Variants in SETBP1 observed in about 807,000 individuals in gnomAD.
SETBP1 encodes the protein SET binding protein 1.
A neutral mutation model predicts 101.0 loss-of-function variants in SETBP1; 9 were observed. The ratio of observed to expected loss-of-function variants is 0.09; its 90% CI spans 0.05 to 0.16. The LOEUF (loss-of-function observed/expected upper bound fraction) is 0.16. Ranked by LOEUF, SETBP1 falls within the 10% of genes least tolerant of loss-of-function variation. The pLI is 1.00. For synonymous variants in SETBP1, 818 were observed against 788.5 expected, an observed-to-expected ratio of 1.04 and a Z score of -0.63; for missense variants, 1,858 against 2,033.8, an observed-to-expected ratio of 0.91 and a Z score of 1.66.
chr18:44,820,746 G>A (rs1243527091), intron 2 of SETBP1, among the ~76,000 whole-genome samples: 2 of 152,140 alleles, frequency 1.3e-5, no homozygotes, highest in Non-Finnish European at 2.9e-5. Flanking sequence ...CACTTACGGT[G>A]GAAATATTCC....
At chr18:44,751,854 G>C (rs1042344141) in intron 2 of SETBP1, among the ~76,000 whole-genome samples, 2 of 152,124 alleles carry the variant, frequency 1.3e-5, no homozygotes, top group African/African-American at 4.8e-5. Context: ...CCAAGATCAG[G>C]GTGCTGGCCA....
chr18:44,779,986 TCACA>T (rs2071092008), intron 2 of SETBP1, among the ~76,000 whole-genome samples: 1 of 151,058 alleles, frequency 6.6e-6, no homozygotes, highest in Non-Finnish European at 1.5e-5. Flanking sequence ...ATGTGCACAC[TCACA>T]CACACTCTGC....
intron 3 of SETBP1, chr18:44,876,966 C>T (rs763049837): frequency 2.1e-5 from 26 of 1,250,002 alleles, no homozygotes; most frequent in Middle Eastern, 3.1e-4. Flanking sequence ...ATGCATTAGG[C>T]GGCCCTGATG....
At chr18:44,785,502 T>C (rs956499813) in intron 2 of SETBP1, among the ~76,000 whole-genome samples, 28 of 152,374 alleles carry the variant, frequency 1.8e-4, no homozygotes, top group African/African-American at 6.5e-4. Context: ...TTTGCTTTCA[T>C]TTGCTCTATG....
At chr18:44,806,588 T>C (rs16978179) in intron 2 of SETBP1, among the ~76,000 whole-genome samples, 11,141 of 150,960 alleles carry the variant, frequency 0.074, 446 homozygotes, top group East Asian at 0.13. Flanking sequence ...CTGAACTTTG[T>C]TTTTCCGTAG....
chr18:44,772,698 A>G (rs2070900950), intron 2 of SETBP1, among the ~76,000 whole-genome samples: 1 of 152,190 alleles, frequency 6.6e-6, no homozygotes, highest in African/African-American at 2.4e-5. Context: ...TCCACTAGAT[A>G]CTACCAGATA....
chr18:44,905,781 A>T (rs769531042), intron 3 of SETBP1, among the ~76,000 whole-genome samples: 10 of 152,242 alleles, frequency 6.6e-5, no homozygotes, highest in Non-Finnish European at 1.3e-4. Flanking sequence ...ATCGAAGCTA[A>T]CATCAACAGG....
At chr18:44,870,458 G>A (rs922328781) in intron 3 of SETBP1, 1 of 152,218 alleles carries the variant, frequency 6.6e-6, no homozygotes, top group Non-Finnish European at 1.5e-5. Flanking sequence ...GCACACCAGT[G>A]TGGGGTGTTG....
intron 3 of SETBP1, among the ~76,000 whole-genome samples, chr18:44,896,688 C>G (rs1245633698): frequency 6.6e-6 from 1 of 152,056 alleles, no homozygotes; most frequent in African/African-American, 2.4e-5. Flanking sequence ...TGGGGTTTCA[C>G]CACGTTGGTC....
At chr18:44,703,967 G>T (rs1344543067) in intron 2 of SETBP1, among the ~76,000 whole-genome samples, 2 of 152,174 alleles carry the variant, frequency 1.3e-5, no homozygotes, top group Non-Finnish European at 2.9e-5. Context: ...GTGTGGGTGG[G>T]TTGTCTTGAG....
At chr18:45,047,193 G>C (rs1407436242) in intron 5 of SETBP1, among the ~76,000 whole-genome samples, 1 of 152,132 alleles carries the variant, frequency 6.6e-6, no homozygotes, top group African/African-American at 2.4e-5. Context: ...TTGGCTGTGA[G>C]GCATCAGACG....
intron 3 of SETBP1, among the ~76,000 whole-genome samples, chr18:44,932,154 G>A (rs954292067): frequency 2.0e-5 from 3 of 152,188 alleles, no homozygotes; most frequent in Non-Finnish European, 2.9e-5. Flanking sequence ...AAATCTCTCA[G>A]CATTTGTTTA....
chr18:44,969,672 C>A (rs2071799021), intron 4 of SETBP1, among the ~76,000 whole-genome samples: 1 of 152,202 alleles, frequency 6.6e-6, no homozygotes, highest in Non-Finnish European at 1.5e-5. Context: ...CCCTCCTACA[C>A]CAAGTACCAA....
At chr18:44,838,276 C>CT (rs1464174488) in intron 2 of SETBP1, among the ~76,000 whole-genome samples, 1 of 152,162 alleles carries the variant, frequency 6.6e-6, no homozygotes, top group Non-Finnish European at 1.5e-5. Flanking sequence ...TTATCTACTC[C>CT]TTTTGTATTG....
chr18:45,057,436 C>T (rs1197081032), intron 5 of SETBP1, among the ~76,000 whole-genome samples: 1 of 152,052 alleles, frequency 6.6e-6, no homozygotes, highest in Non-Finnish European at 1.5e-5. Flanking sequence ...TGCCATTGAG[C>T]TTGTATTTGC....
Position 44,985,021 on chromosome 18 carries a change from A to T in SETBP1, c.4000+31681A>T, listed in dbSNP as rs181635670. 2.2e-3 allele frequency among the ~76,000 whole-genome samples: 337 copies of T among 152,192 alleles called. 1 individual carries two copies. Among genetic ancestry groups the T allele is most frequent in the African/African-American group, 7.8e-3 (323 of 41,516 alleles). On this transcript the variant is annotated intron_variant, in intron 4 of 5. Transcript: ENST00000649279. ...CCAGTCGTGGTGGCGTGCGCCTATA[A>T]TCCCAGCTACTCGGGAGGCTGAAGC... is the stretch of plus-strand genomic sequence containing the variant.
At chr18:44,849,938 G>A (rs2072813789) in intron 2 of SETBP1, among the ~76,000 whole-genome samples, 2 of 152,034 alleles carry the variant, frequency 1.3e-5, no homozygotes, top group Admixed American at 1.3e-4. Flanking sequence ...ATTCTTTTGG[G>A]GTATTTGGTT....
At chr18:44,962,645 A>G (rs1341374420) in intron 4 of SETBP1, among the ~76,000 whole-genome samples, 3 of 152,182 alleles carry the variant, frequency 2.0e-5, no homozygotes, top group Non-Finnish European at 4.4e-5. Context: ...AAACCCCAAA[A>G]CTAACTATCA....
Position 44,949,918 on chromosome 18 carries a change from A to G in SETBP1, c.578A>G (p.Tyr193Cys), listed in dbSNP as rs2145092020. 1 of 1,613,876 alleles carries G rather than the reference A, an allele frequency of 6.2e-7. No homozygotes were observed. Among genetic ancestry groups the G allele is most frequent in the Non-Finnish European group, 8.5e-7 (1 of 1,179,994 alleles). Reference protein sequence around the residue: ...ERPQKHSTLHYDTGLPQDFTG... With the variant: ...ERPQKHSTLHCDTGLPQDFTG... The stretch of plus-strand genomic sequence containing the variant: ...CCCCAGAAACATTCAACTCTCCATT[A>G]TGACACGGGCCTCCCACAGGACTTC... The change falls in exon 4 of 6, where the codon TAT becomes TGT. Residue 193 changes from tyrosine to cysteine, a missense_variant. Physicochemically the swap from Tyr to Cys is radical, Grantham distance 194. Coordinates refer to ENST00000649279, the MANE Select transcript of SETBP1 (RefSeq NM_015559.3).
Sources: allele counts gnomAD v4.1 joint callset (sites outside exome capture counted in the v4.1 genomes callset), GRCh38; gene constraint gnomAD v4.1.1; transcripts MANE v1.5; gene names NCBI Gene and HGNC (gene_info 2026-07-23, HGNC 2026-07-21).